The following RNF157 variants were observed in gnomAD, a reference collection of about 807,000 sequenced individuals.
The protein encoded by RNF157 is ring finger protein 157.
Under a neutral mutation model 88.3 loss-of-function variants are expected in RNF157, and 55 were observed. The observed-to-expected ratio is 0.62, with a 90% CI of 0.50 to 0.78. The LOEUF (loss-of-function observed/expected upper bound fraction) is 0.78. Ranked by LOEUF, RNF157 falls within the 30% of genes least tolerant of loss-of-function variation. The probability of loss-of-function intolerance (pLI) is 0.00; values close to 1 mark genes in which losing one functional copy is unlikely to be tolerated. For synonymous variants in RNF157, 334 were observed against 341.2 expected (o/e 0.98, Z 0.23); for missense variants, 788 against 860.8 (o/e 0.92, Z 1.06).
intron 2 of RNF157, among the ~76,000 whole-genome samples, chr17:76,180,534 A>G (rs1161091462): frequency 6.6e-6 from 1 of 152,208 alleles, no homozygotes; most frequent in African/African-American, 2.4e-5. Flanking sequence ...GCATTATGCT[A>G]GGTACTTTAG....
chr17:76,185,513 A>ATTTTTTTT (rs1568047389), intron 2 of RNF157, among the ~76,000 whole-genome samples: 2 of 143,776 alleles, frequency 1.4e-5, no homozygotes, highest in African/African-American at 5.5e-5. Context: ...TCTGTCGCCC[A>ATTTTTTTT]GGCTGGAGTG....
rs562798277 is a variant in RNF157, at chr17:76,220,596, C to T, written c.89-8114G>A. Among the ~76,000 whole-genome samples, 351 of 151,998 alleles carry T rather than the reference C, an allele frequency of 2.3e-3. 4 individuals are homozygous for T. Among genetic ancestry groups the T allele is most frequent in the African/African-American group, 8.2e-3 (340 of 41,442 alleles). On this transcript the variant is annotated intron_variant, in intron 1 of 18. Coordinates refer to ENST00000269391, the MANE Select transcript of RNF157 (RefSeq NM_052916.3). ...TCCCAGCACTTGGGAAGGCCTTGAG[C>T]CCAGAAGTTTGAGACCAGCCGAGGC... is the stretch of plus-strand genomic sequence containing the variant.
intron 2 of RNF157, among the ~76,000 whole-genome samples, chr17:76,199,743 C>G (rs1374186122): frequency 6.6e-6 from 1 of 152,048 alleles, no homozygotes; most frequent in Non-Finnish European, 1.5e-5. Context: ...CCTACTGCCA[C>G]CTGCTCATGC....
intron 2 of RNF157, among the ~76,000 whole-genome samples, chr17:76,174,210 G>A (rs1007585857): frequency 6.6e-6 from 1 of 152,148 alleles, no homozygotes; most frequent in African/African-American, 2.4e-5. Context: ...GAGGCCATGC[G>A]GTATCCCAGG....
chr17:76,149,650 G>A (rs772557524), intron 18 of RNF157, among the ~76,000 whole-genome samples: 5 of 152,164 alleles, frequency 3.3e-5, no homozygotes, highest in Non-Finnish European at 5.9e-5. Context: ...ATTCTGCCTA[G>A]AGAGACGTGC....
chr17:76,231,122 C>T (rs1450483433), intron 1 of RNF157, among the ~76,000 whole-genome samples: 1 of 151,704 alleles, frequency 6.6e-6, no homozygotes, highest in African/African-American at 2.4e-5. Context: ...CTCAGCCTCC[C>T]AAGCAGCTGT....
At chr17:76,218,688 C>T (rs1184637587) in intron 1 of RNF157, among the ~76,000 whole-genome samples, 1 of 152,034 alleles carries the variant, frequency 6.6e-6, no homozygotes, top group African/African-American at 2.4e-5. Context: ...AATCCCAGCA[C>T]TTTGGGAGGC....
At chr17:76,182,448 A>AGT (rs1376403971) in intron 2 of RNF157, among the ~76,000 whole-genome samples, 23 of 110,104 alleles carry the variant, frequency 2.1e-4, no homozygotes, top group Admixed American at 9.0e-4. Context: ...ACACGCATTT[A>AGT]GTCTGTGTGT....
chr17:76,239,563 A>G (rs891411938), intron 1 of RNF157, among the ~76,000 whole-genome samples: 14 of 84,052 alleles, frequency 1.7e-4, no homozygotes, highest in Non-Finnish European at 2.4e-4. Context: ...CCGGCTTCTG[A>G]CAGCCTCTGC....
At chr17:76,148,781 G>A (rs1779694281) in intron 18 of RNF157, among the ~76,000 whole-genome samples, 1 of 151,572 alleles carries the variant, frequency 6.6e-6, no homozygotes, top group Non-Finnish European at 1.5e-5. Context: ...GCATTGCCCA[G>A]GCTGGTCTCC....
At chr17:76,158,691 AGAG>A (rs964376821) in intron 12 of RNF157, among the ~76,000 whole-genome samples, 190 bp from the exon 13 acceptor site, 6 of 152,190 alleles carry the variant, frequency 3.9e-5, no homozygotes, top group African/African-American at 1.2e-4. Context: ...ACGCTTTAAC[AGAG>A]GAGGAGTACA....
chr17:76,154,029 A>G, intron 17 of RNF157: 1 of 472,038 alleles, frequency 2.1e-6, no homozygotes, highest in South Asian at 2.2e-5. Context: ...GTAAATATGG[A>G]CCTGTATGTA....
At chr17:76,163,831 A>C (rs1005086010) in intron 8 of RNF157, 1 of 152,352 alleles carries the variant, frequency 6.6e-6, no homozygotes, top group Admixed American at 6.5e-5. Context: ...TGGCCTGCCC[A>C]GGTAGTGCCC....
At chr17:76,227,478 G>A (rs2070112935) in intron 1 of RNF157, among the ~76,000 whole-genome samples, 1 of 151,912 alleles carries the variant, frequency 6.6e-6, no homozygotes. Flanking sequence ...GTACTACACG[G>A]GTTATTCTTC....
intron 2 of RNF157, among the ~76,000 whole-genome samples, chr17:76,203,982 T>C (rs575582425): frequency 6.6e-6 from 1 of 151,518 alleles, no homozygotes; most frequent in Admixed American, 6.6e-5. Context: ...TTAGCCAGGA[T>C]GGTCTCGATC....
At position 76,240,410 on chromosome 17, in the gene RNF157, T is replaced by C. The variant is rs2070360989; in HGVS notation, c.-170A>G. On this transcript the variant is annotated 5_prime_UTR_variant, in exon 1 of 19. An upstream start codon of the reference 5' UTR is lost. Transcript: ENST00000269391. This position sits in a 1 kb window ranked among gnomAD's most constrained non-coding sequence, Gnocchi z 4.4. ...GGAGCCCCCGGCGCGCCGCGCACCA[T>C]CCTCCGCCGGGCACCGCGGCGGCGC... is the stretch of plus-strand genomic sequence containing the variant. 1 of 155,994 alleles carries C rather than the reference T, an allele frequency of 6.4e-6. No individual in the cohort carries two copies. Among genetic ancestry groups the C allele is most frequent in the Non-Finnish European group, 1.3e-5 (1 of 75,378 alleles). 9.7% of individuals were successfully genotyped at this position (155,994 alleles called of 1,614,324 possible).
At chr17:76,200,753 A>C (rs2069561745) in intron 2 of RNF157, among the ~76,000 whole-genome samples, 1 of 152,216 alleles carries the variant, frequency 6.6e-6, no homozygotes, top group Admixed American at 6.5e-5. Flanking sequence ...AACCATTTTA[A>C]AAGTATGAAT....
chr17:76,236,325 G>A (rs1322157500), intron 1 of RNF157, among the ~76,000 whole-genome samples: 2 of 152,186 alleles, frequency 1.3e-5, no homozygotes, highest in East Asian at 1.9e-4. Context: ...ATTTCTTCCT[G>A]GATAGAGAAA....
intron 1 of RNF157, chr17:76,226,432 G>A (rs61741758): frequency 0.022 from 34,620 of 1,597,962 alleles, 728 homozygotes; most frequent in African/African-American, 0.091. Context: ...CCTGGACTAG[G>A]GGGGCAAAGA....
Sources: allele counts gnomAD v4.1 joint callset (sites outside exome capture counted in the v4.1 genomes callset), GRCh38; gene constraint gnomAD v4.1.1; non-coding constraint Gnocchi (gnomAD v3.1); transcripts MANE v1.5; gene names NCBI Gene and HGNC (gene_info 2026-07-23, HGNC 2026-07-21).